The following NAALADL2 variants were observed in gnomAD, a reference collection of about 807,000 sequenced individuals.
The protein encoded by NAALADL2 is inactive N-acetylated-alpha-linked acidic dipeptidase-like protein 2.
In NAALADL2, 76 loss-of-function variants were observed where a neutral mutation model predicts 87.2. The ratio of observed to expected loss-of-function variants is 0.87; its 90% confidence interval spans 0.72 to 1.05. NAALADL2 has a LOEUF of 1.05. Ranked by LOEUF, NAALADL2 falls within the 50% of genes least tolerant of loss-of-function variation. NAALADL2 has a pLI of 0.00. For missense variants in NAALADL2, 1,089 were observed against 945.8 expected, an observed-to-expected ratio of 1.15 and a Z score of -1.99; for synonymous variants, 354 against 331.0, an observed-to-expected ratio of 1.07 and a Z score of -0.75.
At chr3:174,507,401 G>A (rs1027364808) in intron 1 of NAALADL2, among the ~76,000 whole-genome samples, 53 of 151,990 alleles carry the variant, frequency 3.5e-4, no homozygotes, top group Non-Finnish European at 1.5e-5. Flanking sequence ...ATACCTATGA[G>A]TTTTTCTCAC....
intron 2 of NAALADL2, among the ~76,000 whole-genome samples, chr3:174,691,604 A>T (rs1337473031): frequency 6.6e-6 from 1 of 152,140 alleles, no homozygotes; most frequent in East Asian, 1.9e-4. Flanking sequence ...AAATAAGACA[A>T]CAGTAAAGTT....
At chr3:174,754,026 T>G (rs558431210) in intron 3 of NAALADL2, among the ~76,000 whole-genome samples, 99 of 152,256 alleles carry the variant, frequency 6.5e-4, no homozygotes, top group Admixed American at 4.1e-3. Flanking sequence ...ACTTTTATCC[T>G]CCCAAACTGT....
chr3:174,643,400 T>C (rs1723452865), intron 2 of NAALADL2, among the ~76,000 whole-genome samples: 1 of 152,182 alleles, frequency 6.6e-6, no homozygotes, highest in Non-Finnish European at 1.5e-5. Context: ...ATGCTTGTAA[T>C]TCTAGCACTT....
intron 9 of NAALADL2, among the ~76,000 whole-genome samples, chr3:175,560,999 T>C (rs1716181397): frequency 6.6e-6 from 1 of 152,190 alleles, no homozygotes; most frequent in Non-Finnish European, 1.5e-5. Context: ...TTTGCTTACC[T>C]TATACGATTT....
intron 11 of NAALADL2, among the ~76,000 whole-genome samples, chr3:175,727,990 G>A (rs1354900795): frequency 6.6e-6 from 1 of 152,170 alleles, no homozygotes; most frequent in African/African-American, 2.4e-5. Context: ...TGTGATGTGA[G>A]TTGTATCTGA....
At chr3:175,054,451 T>C (rs1221953468) in intron 1 of NAALADL2, among the ~76,000 whole-genome samples, 2 of 152,232 alleles carry the variant, frequency 1.3e-5, no homozygotes, top group South Asian at 4.1e-4. Flanking sequence ...TATAACTGAA[T>C]TGATAGCTCT....
At chr3:174,725,677 G>T (rs11717077) in intron 2 of NAALADL2, among the ~76,000 whole-genome samples, 137 of 152,140 alleles carry the variant, frequency 9.0e-4, no homozygotes, top group Non-Finnish European at 1.7e-3. Flanking sequence ...CTAGAGAACC[G>T]TTTTTTATAG....
intron 11 of NAALADL2, 99 bp downstream of exon 11, chr3:175,627,485 AT>A: frequency 1.4e-6 from 1 of 731,460 alleles, no homozygotes; most frequent in Non-Finnish European, 2.2e-6. Flanking sequence ...CAATCCGTAT[AT>A]TTTCATTTGT....
intron 4 of NAALADL2, among the ~76,000 whole-genome samples, chr3:175,285,473 T>C (rs1210619551): frequency 1.3e-5 from 2 of 152,192 alleles, no homozygotes; most frequent in African/African-American, 4.8e-5. Context: ...TTATAAGGAA[T>C]ACTTTGAGCT....
intron 11 of NAALADL2, among the ~76,000 whole-genome samples, chr3:175,630,531 T>C (rs979087155): frequency 4.0e-5 from 6 of 151,734 alleles, no homozygotes; most frequent in African/African-American, 1.4e-4. Flanking sequence ...ATTTTCTGAA[T>C]TTTGTTTTTA....
chr3:175,570,533 A>C (rs796308702), intron 9 of NAALADL2, among the ~76,000 whole-genome samples: 13 of 152,302 alleles, frequency 8.5e-5, no homozygotes, highest in African/African-American at 3.1e-4. Flanking sequence ...CCAGTGAGAT[A>C]AATTATTTCT....
At chr3:175,359,892 C>T (rs913690263) in intron 5 of NAALADL2, among the ~76,000 whole-genome samples, 1 of 152,054 alleles carries the variant, frequency 6.6e-6, no homozygotes, top group African/African-American at 2.4e-5. Flanking sequence ...TTTGTTGCCC[C>T]ACCTTTTCTG....
At chr3:174,835,209 G>A (rs1302263570) in intron 3 of NAALADL2, among the ~76,000 whole-genome samples, 1 of 151,918 alleles carries the variant, frequency 6.6e-6, no homozygotes, top group African/African-American at 2.4e-5. Context: ...AGAACTATTG[G>A]ATATCCACAT....
intron 5 of NAALADL2, among the ~76,000 whole-genome samples, chr3:175,362,589 G>A (rs553762013): frequency 1.8e-4 from 27 of 147,980 alleles, no homozygotes; most frequent in African/African-American, 5.4e-4. Context: ...TGATTTATGG[G>A]CATTTGGGCT....
At chr3:175,102,437 A>G (rs1468484493) in intron 2 of NAALADL2, among the ~76,000 whole-genome samples, 2 of 152,134 alleles carry the variant, frequency 1.3e-5, no homozygotes, top group Non-Finnish European at 2.9e-5. Context: ...TTCATTTTTC[A>G]TGTATGAATT....
Position 175,712,831 on chromosome 3 carries a change from A to G in NAALADL2, c.1897-24475A>G, listed in dbSNP as rs74501337. 3.9e-3 allele frequency among the ~76,000 whole-genome samples: 589 copies of G among 152,204 alleles called. 3 individuals carry two copies. Among genetic ancestry groups the G allele is most frequent in the African/African-American group, 0.014 (562 of 41,548 alleles). The stretch of plus-strand genomic sequence containing the variant: ...TTGTTATAAGCAACCTGAACAGGCT[A>G]AGACATGGACTCTAAAATATTCTGG... On this transcript the variant is annotated intron_variant, in intron 11 of 13. Transcript: ENST00000454872.
intron 11 of NAALADL2, among the ~76,000 whole-genome samples, chr3:175,716,847 G>C (rs979544864): frequency 6.6e-6 from 1 of 152,134 alleles, no homozygotes; most frequent in African/African-American, 2.4e-5. Context: ...TAACTTTGGA[G>C]ACTGACTTAA....
At chr3:175,213,762 G>A (rs1338186199) in intron 2 of NAALADL2, among the ~76,000 whole-genome samples, 1 of 152,104 alleles carries the variant, frequency 6.6e-6, no homozygotes, top group Admixed American at 6.6e-5. Flanking sequence ...AAGCAACTGA[G>A]TCTTAAGGGT....
intron 2 of NAALADL2, among the ~76,000 whole-genome samples, chr3:175,230,837 A>C (rs1744842959): frequency 1.3e-5 from 2 of 152,194 alleles, no homozygotes; most frequent in Non-Finnish European, 2.9e-5. Context: ...GTGTAATCAA[A>C]AATCTTTTAA....
Sources: gnomAD v4.1 joint callset for allele counts (sites outside exome capture counted in the v4.1 genomes callset) on GRCh38, gnomAD v4.1.1 for gene constraint, MANE v1.5 for transcripts, NCBI Gene and HGNC (gene_info 2026-07-23, HGNC 2026-07-21) for gene names.